NKAIN3: variants seen among roughly 807,000 people sequenced by gnomAD.
The protein encoded by NKAIN3 is sodium/potassium transporting ATPase interacting 3.
Under a neutral mutation model 30.2 loss-of-function variants are expected in NKAIN3, and 25 were observed. The ratio of observed to expected loss-of-function variants is 0.83; its 90% CI spans 0.60 to 1.16. The LOEUF (loss-of-function observed/expected upper bound fraction) is 1.16. Ranked by LOEUF, NKAIN3 falls within the 50% of genes most tolerant of loss-of-function variation. The probability of loss-of-function intolerance (pLI) is 0.00; values close to 1 mark genes in which losing one functional copy is unlikely to be tolerated. For missense variants in NKAIN3, 225 were observed against 254.1 expected (o/e 0.89, Z 0.78); for synonymous variants, 91 against 89.6 (o/e 1.02, Z -0.09).
intron 1 of NKAIN3, among the ~76,000 whole-genome samples, chr8:62,489,432 C>G (rs2129601472): frequency 6.6e-6 from 1 of 152,292 alleles, no homozygotes; most frequent in East Asian, 1.9e-4. Context: ...CCTCAGTTAT[C>G]TGTTATATCT....
At chr8:62,803,497 C>T (rs1208418515) in intron 4 of NKAIN3, among the ~76,000 whole-genome samples, 1 of 152,072 alleles carries the variant, frequency 6.6e-6, no homozygotes, top group Non-Finnish European at 1.5e-5. Flanking sequence ...AACTGAAAAA[C>T]CTGCTCCTGA....
chr8:62,969,635 C>T lies in NKAIN3; in HGVS notation c.*4228C>T, dbSNP rs1294769793. Among the ~76,000 whole-genome samples the T allele has an allele frequency of 1.3e-5, 2 of 152,132 alleles. No individual in the cohort carries two copies. Among genetic ancestry groups the T allele is most frequent in the Non-Finnish European group, 2.9e-5 (2 of 68,014 alleles). On this transcript the variant is annotated 3_prime_UTR_variant, in exon 7 of 7. Transcript: ENST00000623646. ...TAACTTGACATTTTTGCCCAAGATA[C>T]GTTCTTTCCAGGTATAGCTGAATTA...
At position 62,354,349 on chromosome 8, in the gene NKAIN3, A is replaced by G. The variant is rs546306456; in HGVS notation, c.54+105222A>G. On this transcript the variant is annotated intron_variant, in intron 1 of 6. Transcript: ENST00000623646. The stretch of plus-strand genomic sequence containing the variant: ...TGGGAAGGGTCTGAGATTTTAGGCT[A>G]TTTGCAAACTAACTAGTTAGCTTGT... 2.6e-5 allele frequency among the ~76,000 whole-genome samples: 4 copies of G among 152,296 alleles called. No individual in the cohort carries two copies. The East Asian group carries it at 7.7e-4, about 29-fold the overall frequency.
intron 4 of NKAIN3, among the ~76,000 whole-genome samples, chr8:62,771,555 G>A (rs1392645356): frequency 6.6e-6 from 1 of 151,920 alleles, no homozygotes; most frequent in East Asian, 1.9e-4. Flanking sequence ...CAATATAAAT[G>A]TACTTGGGGT....
intron 1 of NKAIN3, among the ~76,000 whole-genome samples, chr8:62,369,533 G>A (rs1816839252): frequency 6.6e-6 from 1 of 152,026 alleles, no homozygotes; most frequent in South Asian, 2.1e-4. Context: ...GGCCAACAGA[G>A]CAGTCATACT....
chr8:62,366,460 C>T (rs1178660132), intron 1 of NKAIN3, among the ~76,000 whole-genome samples: 1 of 152,104 alleles, frequency 6.6e-6, no homozygotes, highest in Admixed American at 6.6e-5. Flanking sequence ...CTCCTGACCT[C>T]AAGTGATCAG....
intron 1 of NKAIN3, among the ~76,000 whole-genome samples, chr8:62,380,848 C>A (rs10504346): frequency 0.14 from 20,854 of 152,108 alleles, 1,727 homozygotes; most frequent in East Asian, 0.4. Context: ...CAGGTGAATT[C>A]AATCAAACAT....
At chr8:62,726,248 A>G (rs1288518287) in intron 3 of NKAIN3, among the ~76,000 whole-genome samples, 1 of 152,082 alleles carries the variant, frequency 6.6e-6, no homozygotes, top group Non-Finnish European at 1.5e-5. Flanking sequence ...TTCTAACATA[A>G]GATTATATCA....
chr8:62,415,543 A>G (rs1242880918), intron 1 of NKAIN3, among the ~76,000 whole-genome samples: 2 of 150,372 alleles, frequency 1.3e-5, no homozygotes, highest in African/African-American at 4.9e-5. Context: ...TTAACTGCAT[A>G]TAGACTCCAC....
intron 1 of NKAIN3, chr8:62,383,581 A>T (rs1160822792): frequency 2.2e-6 from 1 of 450,952 alleles, no homozygotes; most frequent in Non-Finnish European, 4.5e-6. Flanking sequence ...TTTGAAGAAC[A>T]TGCTTCTCCT....
At chr8:62,831,934 C>T (rs767974509) in intron 4 of NKAIN3, among the ~76,000 whole-genome samples, 6 of 151,850 alleles carry the variant, frequency 4.0e-5, no homozygotes, top group East Asian at 3.9e-4. Flanking sequence ...CCAAGGCCAA[C>T]GATAAAGAAC....
chr8:62,915,754 G>A (rs961013520), intron 4 of NKAIN3, among the ~76,000 whole-genome samples: 2 of 151,940 alleles, frequency 1.3e-5, no homozygotes, highest in Non-Finnish European at 2.9e-5. Flanking sequence ...GTAAGAAAAT[G>A]TCCCGACGTT....
intron 5 of NKAIN3, among the ~76,000 whole-genome samples, chr8:62,937,395 A>G (rs1822818881): frequency 6.6e-6 from 1 of 152,190 alleles, no homozygotes; most frequent in Admixed American, 6.5e-5. Flanking sequence ...CCAACCACAC[A>G]TCCTCACTGG....
chr8:62,884,537 G>A (rs1389383173), intron 4 of NKAIN3, among the ~76,000 whole-genome samples: 8 of 152,182 alleles, frequency 5.3e-5, no homozygotes, highest in African/African-American at 9.7e-5. Context: ...GATTACAGGC[G>A]TGAGCCCCTG....
intron 1 of NKAIN3, among the ~76,000 whole-genome samples, chr8:62,573,550 T>C (rs1364430022): frequency 1.3e-5 from 2 of 152,122 alleles, no homozygotes; most frequent in East Asian, 3.9e-4. Context: ...TTCTTCCTTT[T>C]TATTAAGATC....
chr8:62,982,427 A>C lies in NKAIN3; in HGVS notation c.*17020A>C, dbSNP rs554289392. 1 of 152,170 alleles carries C rather than the reference A, an allele frequency of 6.6e-6. No homozygotes were observed. The highest frequency in any genetic ancestry group is 2.4e-5 in the African/African-American group (1 of 41,440). 9.4% of individuals were successfully genotyped at this position (152,170 alleles called of 1,614,324 possible). On this transcript the variant is annotated 3_prime_UTR_variant, in exon 7 of 7. Transcript: ENST00000623646. ...TCACAACGATATGTGGTGGCCCCGC[A>C]GTCATTATGGTCTTGTTAAATAATT...
intron 1 of NKAIN3, among the ~76,000 whole-genome samples, chr8:62,394,277 C>G (rs1817662402): frequency 6.6e-6 from 1 of 151,934 alleles, no homozygotes; most frequent in Non-Finnish European, 1.5e-5. Flanking sequence ...GGTGCTGAAT[C>G]TTGTTAAATG....
chr8:62,314,432 G>T (rs1419174614), intron 1 of NKAIN3, among the ~76,000 whole-genome samples: 1 of 152,138 alleles, frequency 6.6e-6, no homozygotes, highest in African/African-American at 2.4e-5. Context: ...CCTCCTTCTT[G>T]TTATGGTAAT....
At chr8:62,262,454 T>C (rs1812471326) in intron 1 of NKAIN3, among the ~76,000 whole-genome samples, 1 of 152,176 alleles carries the variant, frequency 6.6e-6, no homozygotes, top group Non-Finnish European at 1.5e-5. Flanking sequence ...GTCTTCTTTC[T>C]CCGTAAAAGT....
Sources: allele counts gnomAD v4.1 joint callset (sites outside exome capture counted in the v4.1 genomes callset), GRCh38; gene constraint gnomAD v4.1.1; transcripts MANE v1.5; gene names NCBI Gene and HGNC (gene_info 2026-07-23, HGNC 2026-07-21).